Variants in PAEP observed in about 807,000 individuals in gnomAD.
The protein encoded by PAEP is glycodelin.
Under a neutral mutation model 23.0 loss-of-function variants are expected in PAEP, and 28 were observed. The observed-to-expected ratio is 1.22, with a 90% CI of 0.90 to 1.67. PAEP has a LOEUF of 1.67. Among genes scored for constraint, PAEP ranks in the 40% most tolerant of loss-of-function variants. The pLI, the probability that PAEP is intolerant of heterozygous loss-of-function variation, is 0.00. For missense variants in PAEP, 209 were observed against 226.4 expected (o/e 0.92, Z 0.49); for synonymous variants, 103 against 92.4 (o/e 1.12, Z -0.66).
chr9:135,562,528 C>T (rs1338221639), intron 2 of PAEP, 95 bp downstream of exon 2: 11 of 1,463,222 alleles, frequency 7.5e-6, no homozygotes, highest in Non-Finnish European at 1.0e-5. Flanking sequence ...TGGACTTAGC[C>T]CCAGGCATTT....
rs1588171337 is a variant in PAEP, at chr9:135,562,284, G to T, written c.97-10G>T. The T allele has an allele frequency of 6.2e-7, 1 of 1,612,672 alleles. No individual in the cohort carries two copies. The highest frequency in any genetic ancestry group is 1.3e-5 in the African/African-American group (1 of 74,886). ...GGGTGGGACCGCCGTGCAGCCCAAG[G>T]CCCCCTCAGTTGGCAGGGACCTGGC... On this transcript the variant is annotated splice_polypyrimidine_tract_variant and intron_variant, in intron 1 of 6. Coordinates refer to ENST00000479141, the MANE Select transcript of PAEP (RefSeq NM_002571.4).
At chr9:135,565,755 A>G in intron 5 of PAEP, 30 bp from the exon 6 acceptor site, 2 of 1,613,688 alleles carry the variant, frequency 1.2e-6, no homozygotes, top group Non-Finnish European at 1.7e-6. Flanking sequence ...TCTCTCGCTG[A>G]CACCTCCACT....
chr9:135,563,149 A>G (rs1188951549), intron 3 of PAEP, among the ~76,000 whole-genome samples: 2 of 152,266 alleles, frequency 1.3e-5, no homozygotes, highest in Middle Eastern at 6.3e-3. Context: ...GGCACAGGGG[A>G]CAGGTGCTTT....
At chr9:135,564,940 G>T in intron 4 of PAEP, 1 of 922,214 alleles carries the variant, frequency 1.1e-6, no homozygotes, top group Non-Finnish European at 1.3e-6. Flanking sequence ...CAGTCAAAAC[G>T]CCCTGAAACC....
At position 135,562,449 on chromosome 9, in the gene PAEP, T is replaced by C. The variant is rs148428044; in HGVS notation, c.236+16T>C. On this transcript the variant is annotated intron_variant, in intron 2 of 6. Coordinates refer to ENST00000479141, the MANE Select transcript of PAEP (RefSeq NM_002571.4). ...TGCACAGATGGTGGGTTTCTCATCA[T>C]TGAGACGGGCTGGGCGGGGGCTCAG... The C allele has an allele frequency of 9.7e-5, 157 of 1,612,254 alleles. No individual in the cohort carries two copies. The highest frequency in any genetic ancestry group is 8.9e-4 in the African/African-American group (67 of 75,010).
At chr9:135,565,585 T>G in intron 5 of PAEP, 71 bp downstream of exon 5, 1 of 1,469,694 alleles carries the variant, frequency 6.8e-7, no homozygotes, top group East Asian at 2.3e-5. Flanking sequence ...CCGAGCCCCC[T>G]GCTGGCTCTG....
Position 135,565,391 on chromosome 9 carries a change from G to C in PAEP, c.422-19G>C. ...ATGGAAGCCCCAGGGGCCCAGGACT[G>C]ACCCAGCCTCTTCCACAGCCAGAGT... On this transcript the variant is annotated intron_variant, in intron 4 of 6. Transcript: ENST00000479141. The C allele has an allele frequency of 6.2e-7, 1 of 1,607,648 alleles. No homozygotes were observed. The highest frequency in any genetic ancestry group is 8.5e-7 in the Non-Finnish European group (1 of 1,174,042).
At position 135,564,156 on chromosome 9, in the gene PAEP, T is replaced by C. The variant is rs944949509; in HGVS notation, c.311-88T>C. On this transcript the variant is annotated intron_variant, in intron 3 of 6. Transcript: ENST00000479141. ...GGTGTCAGTGGATGAGGAAGCCACTTAGTGTGGTGGGATGTCCACACACCT... is the reference window on the plus strand; with the variant it reads ...GGTGTCAGTGGATGAGGAAGCCACTCAGTGTGGTGGGATGTCCACACACCT... 5.3e-6 allele frequency: 8 copies of C among 1,514,996 alleles called. No individual in the cohort carries two copies. The African/African-American group carries it at 1.1e-4, about 21-fold the overall frequency. The allele number at this position is 1,514,996 out of a possible 1,614,324, so 93.8% of individuals were successfully genotyped here.
intron 1 of PAEP, 121 bp downstream of exon 1, chr9:135,562,018 G>T: frequency 1.2e-6 from 1 of 837,094 alleles, no homozygotes; most frequent in Non-Finnish European, 1.9e-6. Flanking sequence ...ACGCCATGAC[G>T]TCAGGAAGCC....
intron 4 of PAEP, chr9:135,564,572 C>A: frequency 1.2e-6 from 1 of 803,196 alleles, no homozygotes. Context: ...GACGTGATCT[C>A]GGCTCACTGC....
At chr9:135,561,922 T>C in intron 1 of PAEP, 25 bp downstream of exon 1, 1 of 1,536,404 alleles carries the variant, frequency 6.5e-7, no homozygotes, top group East Asian at 2.4e-5. Flanking sequence ...GAGCGGGCAC[T>C]TTACTGTGGG....
At chr9:135,565,354 T>G (rs749989070) in intron 4 of PAEP, 56 bp from the exon 5 acceptor site, 8 of 1,410,930 alleles carry the variant, frequency 5.7e-6, no homozygotes, top group Non-Finnish European at 8.0e-6. Context: ...CCTCTGGAGC[T>G]CCCCAGCTCT....
intron 6 of PAEP, 156 bp downstream of exon 6, chr9:135,565,957 G>T: frequency 1.2e-6 from 1 of 828,476 alleles, no homozygotes; most frequent in Non-Finnish European, 2.0e-6. Context: ...ATTCCAGAAA[G>T]CCAGGCTGCT....
At chr9:135,565,334 T>C in intron 4 of PAEP, 76 bp from the exon 5 acceptor site, 1 of 1,227,464 alleles carries the variant, frequency 8.1e-7, no homozygotes. Flanking sequence ...CCCTCCCTCC[T>C]CAGGCAAGGC....
At chr9:135,563,310 G>C (rs192737814) in intron 3 of PAEP, among the ~76,000 whole-genome samples, 3 of 151,680 alleles carry the variant, frequency 2.0e-5, no homozygotes, top group Admixed American at 6.6e-5. Flanking sequence ...AGGTGGCTAG[G>C]TGAGTAAGTG....
chr9:135,562,740 G>C, intron 2 of PAEP, 80 bp from the exon 3 acceptor site: 1 of 1,206,202 alleles, frequency 8.3e-7, no homozygotes, highest in Admixed American at 1.7e-5. Context: ...GGAAGTTCCC[G>C]TGGTGACCTG....
chr9:135,565,193 G>C (rs1832518694), intron 4 of PAEP: 1 of 578,790 alleles, frequency 1.7e-6, no homozygotes, highest in Admixed American at 3.0e-5. Flanking sequence ...AGCAGAGGGG[G>C]CCGGGCCAAG....
At chr9:135,562,722 G>A in intron 2 of PAEP, 98 bp from the exon 3 acceptor site, 1 of 1,032,608 alleles carries the variant, frequency 9.7e-7, no homozygotes, top group Non-Finnish European at 1.5e-6. Flanking sequence ...GGTGCTCCTT[G>A]GACCCGGGGA....
rs1290465720 is a variant in PAEP, at chr9:135,565,530, G to C, written c.526+16G>C. The C allele has an allele frequency of 1.9e-6, 3 of 1,603,056 alleles. No individual in the cohort carries two copies. The highest frequency in any genetic ancestry group is 2.6e-6 in the Non-Finnish European group (3 of 1,170,070). ...CAGATGGAAGGTGAGCTCTGCCTAG[G>C]ACACGCCCAGCCTCAGCTGGAGGAG... On this transcript the variant is annotated intron_variant, in intron 5 of 6. Coordinates refer to ENST00000479141, the MANE Select transcript of PAEP (RefSeq NM_002571.4).
Sources: gnomAD v4.1 joint callset for allele counts (sites outside exome capture counted in the v4.1 genomes callset) on GRCh38, gnomAD v4.1.1 for gene constraint, MANE v1.5 for transcripts, NCBI Gene and HGNC (gene_info 2026-07-23, HGNC 2026-07-21) for gene names.